ITSN1: variants seen among roughly 807,000 people sequenced by gnomAD.
ITSN1 encodes intersectin-1.
A neutral mutation model predicts 239.8 loss-of-function variants in ITSN1; 58 were observed. The ratio of observed to expected loss-of-function variants is 0.24; its 90% CI spans 0.20 to 0.30. ITSN1 has a LOEUF of 0.30. Ranked by LOEUF, ITSN1 falls within the 10% of genes least tolerant of loss-of-function variation. The pLI is 1.00. For missense variants in ITSN1, 1,558 were observed against 2,103.3 expected (o/e 0.74, Z 5.07); for synonymous variants, 780 against 770.8 (o/e 1.01, Z -0.20).
At chr21:33,790,673 A>G (rs1420678893) in intron 16 of ITSN1, among the ~76,000 whole-genome samples, 3 of 152,196 alleles carry the variant, frequency 2.0e-5, no homozygotes, top group Non-Finnish European at 4.4e-5. Context: ...TCTTTCTGTT[A>G]TAATAGCAAA....
At position 33,767,786 on chromosome 21, in the gene ITSN1, G is replaced by A. The variant is rs752664591; in HGVS notation, c.1000G>A (p.Val334Ile). ...SVDQRLPEEP[V>I]LEDEQQQLEK... Reference sequence around the variant, plus strand: ...AGATCAGAGGCTACCAGAGGAACCAGTTTTAGAAGATGAACAACAACAATT... The same window carrying A: ...AGATCAGAGGCTACCAGAGGAACCAATTTTAGAAGATGAACAACAACAATT... Residue 334 changes from valine to isoleucine, a missense_variant, in exon 11 of 40, where the codon GTT becomes ATT. By Grantham distance (29) the Val-to-Ile change is conservative. Coordinates refer to ENST00000381318, the MANE Select transcript of ITSN1 (RefSeq NM_003024.3). 2.9e-5 allele frequency: 46 copies of A among 1,612,040 alleles called. 1 individual carries two copies. In the South Asian group the frequency reaches 5.1e-4, roughly 18 times the overall value.
chr21:33,707,544 G>A (rs1305748813), intron 1 of ITSN1, among the ~76,000 whole-genome samples: 1 of 152,172 alleles, frequency 6.6e-6, no homozygotes, highest in Non-Finnish European at 1.5e-5. Flanking sequence ...TCTCTGTTTT[G>A]TGTCCTTTCT....
intron 1 of ITSN1, among the ~76,000 whole-genome samples, chr21:33,694,254 T>C (rs1489028491): frequency 6.6e-6 from 1 of 152,230 alleles, no homozygotes; most frequent in Non-Finnish European, 1.5e-5. Flanking sequence ...GTCAAACTCC[T>C]GGGCTCAAGG....
intron 33 of ITSN1, among the ~76,000 whole-genome samples, chr21:33,867,567 G>A (rs891488999): frequency 6.6e-6 from 1 of 151,660 alleles, no homozygotes; most frequent in South Asian, 2.1e-4. Context: ...TTGGGAGGCC[G>A]AGGTGGGCAG....
chr21:33,721,522 C>T (rs1203452786), intron 3 of ITSN1, among the ~76,000 whole-genome samples: 1 of 152,022 alleles, frequency 6.6e-6, no homozygotes, highest in African/African-American at 2.4e-5. Flanking sequence ...GATCAAAGGA[C>T]CAATGGCTCA....
At position 33,884,970 on chromosome 21, in the gene ITSN1, AGT is replaced by A. The variant is rs1380822861; in HGVS notation, c.4677-68_4677-67del. The A allele has an allele frequency of 8.5e-6, 9 of 1,057,198 alleles. No individual in the cohort carries two copies. In the East Asian group the frequency reaches 1.9e-4, roughly 22 times the overall value. The allele number at this position is 1,057,198 out of a possible 1,614,324, so 65.5% of individuals were successfully genotyped here. ...AACAAAGAAACAGAGTCCTGGCAAC[AGT>A]GTTTGAACAGACCTGAAGCCTTTTT... On this transcript the variant is annotated intron_variant, in intron 36 of 39. Coordinates refer to ENST00000381318, the MANE Select transcript of ITSN1 (RefSeq NM_003024.3).
intron 34 of ITSN1, among the ~76,000 whole-genome samples, 196 bp downstream of exon 34, chr21:33,875,717 G>T (rs1397391630): frequency 6.6e-6 from 1 of 152,198 alleles, no homozygotes; most frequent in Non-Finnish European, 1.5e-5. Context: ...GTCTCACTCT[G>T]TTGCCCAGGT....
intron 19 of ITSN1, among the ~76,000 whole-genome samples, chr21:33,800,259 A>G (rs1031092235): frequency 6.6e-6 from 1 of 151,800 alleles, no homozygotes; most frequent in African/African-American, 2.4e-5. Context: ...CATATATTTT[A>G]TATATGATGT....
chr21:33,852,266 G>C (rs1032219683), intron 29 of ITSN1, among the ~76,000 whole-genome samples: 1 of 152,106 alleles, frequency 6.6e-6, no homozygotes, highest in Non-Finnish European at 1.5e-5. Context: ...ACAGGAACAA[G>C]GTCTGTTTAT....
chr21:33,876,534 T>C (rs1237417642), intron 34 of ITSN1, among the ~76,000 whole-genome samples: 1 of 152,192 alleles, frequency 6.6e-6, no homozygotes, highest in Non-Finnish European at 1.5e-5. Context: ...CCAGCTATGC[T>C]GGTTTCTTTC....
At chr21:33,790,571 G>A (rs1317156613) in intron 16 of ITSN1, among the ~76,000 whole-genome samples, 2 of 152,174 alleles carry the variant, frequency 1.3e-5, no homozygotes, top group East Asian at 3.9e-4. Context: ...ACAAGTTTTT[G>A]TAGAATTACT....
chr21:33,814,079 G>A lies in ITSN1; in HGVS notation c.2727+7G>A. ...GTCTCCTGTGCTAGGCCAGGTAAAG[G>A]CAGCCAGTGAGAGTGTGAAGACTTA... On this transcript the variant is annotated splice_region_variant and intron_variant, in intron 22 of 39. Transcript: ENST00000381318. 12 of 1,613,626 alleles carry A rather than the reference G, an allele frequency of 7.4e-6. No individual in the cohort carries two copies. Among genetic ancestry groups the A allele is most frequent in the Non-Finnish European group, 9.3e-6 (11 of 1,179,748 alleles).
chr21:33,825,683 T>C (rs888660863), intron 25 of ITSN1, among the ~76,000 whole-genome samples: 3 of 152,236 alleles, frequency 2.0e-5, no homozygotes, highest in Non-Finnish European at 4.4e-5. Flanking sequence ...ATTCTAAGCC[T>C]GTACTAGGAA....
intron 33 of ITSN1, among the ~76,000 whole-genome samples, chr21:33,873,700 C>T (rs908395473): frequency 1.1e-4 from 17 of 151,862 alleles, no homozygotes; most frequent in African/African-American, 3.1e-4. Context: ...GCGAGACCCC[C>T]GTCTCCACTA....
At chr21:33,839,370 T>A (rs2074745563) in intron 29 of ITSN1, among the ~76,000 whole-genome samples, 1 of 152,076 alleles carries the variant, frequency 6.6e-6, no homozygotes, top group Admixed American at 6.5e-5. Flanking sequence ...TCAGAGAACC[T>A]TCAGGGGGTG....
At chr21:33,702,691 T>A (rs1467928235) in intron 1 of ITSN1, among the ~76,000 whole-genome samples, 1 of 152,256 alleles carries the variant, frequency 6.6e-6, no homozygotes, top group African/African-American at 2.4e-5. Context: ...ATTTTCTGAA[T>A]AATCTTCCCA....
rs909416894 is a variant in ITSN1, at chr21:33,799,906, A to G, written c.2281A>G (p.Ile761Val). The change falls in exon 19 of 40, where the codon ATC becomes GTC. Residue 761 changes from isoleucine to valine, a missense_variant. By Grantham distance (29) the Ile-to-Val change is conservative. Transcript: ENST00000381318. The stretch of plus-strand genomic sequence containing the variant: ...ATCCAGAAGCCATGATGAAATCACT[A>G]TCCAGCCAGGAGACATAGTCATGGT... ...FESRSHDEIT[I>V]QPGDIVMVKG... 6 of 1,613,994 alleles carry G rather than the reference A, an allele frequency of 3.7e-6. No homozygotes were observed. The highest frequency in any genetic ancestry group is 1.3e-5 in the African/African-American group (1 of 75,038).
intron 21 of ITSN1, among the ~76,000 whole-genome samples, chr21:33,812,096 C>T (rs1357480106): frequency 1.3e-5 from 2 of 152,072 alleles, no homozygotes; most frequent in Non-Finnish European, 2.9e-5. Context: ...ACTTTATTTT[C>T]ACATAAAAGG....
chr21:33,683,223 C>A (rs1404026552), intron 1 of ITSN1, among the ~76,000 whole-genome samples: 7 of 151,632 alleles, frequency 4.6e-5, no homozygotes, highest in Admixed American at 4.6e-4. Context: ...ACTCAGAGAT[C>A]ATCTTTTCAT....
Sources: allele counts gnomAD v4.1 joint callset (sites outside exome capture counted in the v4.1 genomes callset), GRCh38; gene constraint gnomAD v4.1.1; transcripts MANE v1.5; gene names NCBI Gene and HGNC (gene_info 2026-07-23, HGNC 2026-07-21).